The following COP1 variants were observed in gnomAD, a reference collection of about 807,000 sequenced individuals.
COP1 encodes COP1 E3 ubiquitin ligase.
COP1 carries 24 observed loss-of-function variants against 101.3 expected under a neutral mutation model. That is an observed-to-expected ratio of 0.24 (90% CI 0.17 to 0.33). The LOEUF (loss-of-function observed/expected upper bound fraction) is 0.33. COP1 is among the 10% of genes least tolerant of loss of function. The probability of loss-of-function intolerance (pLI) is 1.00; values close to 1 mark genes in which losing one functional copy is unlikely to be tolerated. For synonymous variants in COP1, 347 were observed against 341.9 expected, an observed-to-expected ratio of 1.01 and a Z score of -0.17; for missense variants, 663 against 906.2, an observed-to-expected ratio of 0.73 and a Z score of 3.45.
intron 9 of COP1, 142 bp from the exon 10 acceptor site, chr1:176,086,032 T>C (rs77666401): frequency 0.072 from 33,635 of 465,074 alleles, 1,571 homozygotes; most frequent in Admixed American, 0.085. Context: ...AATTCTGAGA[T>C]ATTTTCCAAT....
chr1:176,152,473 A>G (rs1187680858), intron 5 of COP1, among the ~76,000 whole-genome samples: 2 of 151,698 alleles, frequency 1.3e-5, no homozygotes, highest in African/African-American at 4.8e-5. Flanking sequence ...CTTGAGACAG[A>G]GCCTCACTCT....
chr1:176,207,101 C>A lies in COP1; in HGVS notation c.-123G>T. On this transcript the variant is annotated 5_prime_UTR_variant, in exon 1 of 20. Coordinates refer to ENST00000367669, the MANE Select transcript of COP1 (RefSeq NM_022457.7). ...GACGCCCGCCGAGCCGGAGGTGGGGCTGAGGAACAATAAAGTTGCGTTTTT... is the reference window on the plus strand; with the variant it reads ...GACGCCCGCCGAGCCGGAGGTGGGGATGAGGAACAATAAAGTTGCGTTTTT... 1 of 756,212 alleles carries A rather than the reference C, an allele frequency of 1.3e-6. No individual in the cohort carries two copies. The highest frequency in any genetic ancestry group is 1.9e-6 in the Non-Finnish European group (1 of 530,272). The allele number at this position is 756,212 out of a possible 1,614,324, so 46.8% of individuals were successfully genotyped here.
At chr1:176,016,230 C>A (rs1236105252) in intron 15 of COP1, among the ~76,000 whole-genome samples, 1 of 151,654 alleles carries the variant, frequency 6.6e-6, no homozygotes, top group Non-Finnish European at 1.5e-5. Flanking sequence ...GATAAAATAA[C>A]CCATGGGGAA....
intron 11 of COP1, among the ~76,000 whole-genome samples, chr1:176,053,435 C>CA (rs1423135180): frequency 6.6e-6 from 1 of 152,160 alleles, no homozygotes; most frequent in Non-Finnish European, 1.5e-5. Context: ...TTCTAACTTT[C>CA]AGCTCACTGT....
intron 11 of COP1, among the ~76,000 whole-genome samples, chr1:176,075,057 T>C (rs145351193): frequency 6.6e-6 from 1 of 152,276 alleles, no homozygotes; most frequent in East Asian, 1.9e-4. Context: ...AAAATAAGAT[T>C]GTGAGCTCTC....
intron 5 of COP1, among the ~76,000 whole-genome samples, chr1:176,160,474 T>C (rs1694155697): frequency 1.3e-5 from 2 of 151,862 alleles, no homozygotes; most frequent in South Asian, 4.1e-4. Context: ...ATCATCACAG[T>C]GAACAGGCAA....
chr1:176,128,140 A>G (rs1329698439), intron 8 of COP1, among the ~76,000 whole-genome samples: 3 of 152,068 alleles, frequency 2.0e-5, no homozygotes, highest in East Asian at 3.8e-4. Flanking sequence ...ACCTAATCCA[A>G]TATATGATTT....
At chr1:176,205,205 TA>T (rs1301612193) in intron 1 of COP1, among the ~76,000 whole-genome samples, 1 of 152,074 alleles carries the variant, frequency 6.6e-6, no homozygotes, top group Admixed American at 6.5e-5. Context: ...TTTGTTTTAT[TA>T]GCTTATTAGC....
At chr1:176,105,612 T>A (rs2149527031) in intron 9 of COP1, among the ~76,000 whole-genome samples, 1 of 152,280 alleles carries the variant, frequency 6.6e-6, no homozygotes, top group African/African-American at 2.4e-5. Flanking sequence ...GAATGAACCC[T>A]AAACATGGTA....
chr1:176,083,233 A>C (rs1278625235), intron 10 of COP1, among the ~76,000 whole-genome samples: 1 of 152,148 alleles, frequency 6.6e-6, no homozygotes, highest in Non-Finnish European at 1.5e-5. Context: ...TAATTTAAAA[A>C]CTGTTTCAAT....
intron 1 of COP1, among the ~76,000 whole-genome samples, chr1:176,191,262 A>G (rs1272170511): frequency 1.3e-5 from 2 of 152,078 alleles, no homozygotes; most frequent in Non-Finnish European, 2.9e-5. Flanking sequence ...CTATCTTGCT[A>G]TAATCTCAGA....
chr1:176,096,364 T>A (rs1475039608), intron 9 of COP1, among the ~76,000 whole-genome samples: 1 of 152,170 alleles, frequency 6.6e-6, no homozygotes, highest in Non-Finnish European at 1.5e-5. Context: ...AGGCTCAGGA[T>A]GGTTGGGCGA....
intron 11 of COP1, among the ~76,000 whole-genome samples, chr1:176,074,325 A>G (rs1677567702): frequency 6.6e-6 from 1 of 152,204 alleles, no homozygotes; most frequent in Non-Finnish European, 1.5e-5. Context: ...GTGTTTGAAT[A>G]TAAGAAAGTA....
chr1:175,981,285 T>C (rs1655798140), intron 18 of COP1, among the ~76,000 whole-genome samples: 1 of 152,148 alleles, frequency 6.6e-6, no homozygotes, highest in African/African-American at 2.4e-5. Context: ...TCCCACACTA[T>C]CTGGTTTCAC....
intron 11 of COP1, among the ~76,000 whole-genome samples, chr1:176,050,519 T>C (rs1460851685): frequency 6.6e-6 from 1 of 152,238 alleles, no homozygotes; most frequent in African/African-American, 2.4e-5. Context: ...AAAGGTCTCA[T>C]TCTCATTCAT....
intron 2 of COP1, among the ~76,000 whole-genome samples, chr1:176,181,770 G>A (rs1001778686): frequency 2.0e-5 from 3 of 152,032 alleles, no homozygotes; most frequent in Non-Finnish European, 4.4e-5. Flanking sequence ...GAATATCCGG[G>A]AGGTGGAGGT....
At chr1:176,165,407 T>TGTGTGTGTG (rs1694976526) in intron 3 of COP1, among the ~76,000 whole-genome samples, 1 of 140,342 alleles carries the variant, frequency 7.1e-6, no homozygotes, top group Admixed American at 7.1e-5. Flanking sequence ...TGTGTGTGTG[T>TGTGTGTGTG]AGGAGATACA....
At chr1:176,195,948 G>A (rs1366641884) in intron 1 of COP1, among the ~76,000 whole-genome samples, 1 of 152,176 alleles carries the variant, frequency 6.6e-6, no homozygotes, top group African/African-American at 2.4e-5. Context: ...CACTACTTGG[G>A]TGACAAGATC....
chr1:176,090,280 T>A (rs1289124828), intron 9 of COP1, among the ~76,000 whole-genome samples: 2 of 152,118 alleles, frequency 1.3e-5, no homozygotes, highest in Non-Finnish European at 2.9e-5. Context: ...ATGACAGGTG[T>A]CTTATGTCTC....
Sources: gnomAD v4.1 joint callset for allele counts (sites outside exome capture counted in the v4.1 genomes callset) on GRCh38, gnomAD v4.1.1 for gene constraint, MANE v1.5 for transcripts, NCBI Gene and HGNC (gene_info 2026-07-23, HGNC 2026-07-21) for gene names.